Variants in SCGB1D2 observed in about 807,000 individuals in gnomAD.
The protein encoded by SCGB1D2 is secretoglobin family 1D member 2.
SCGB1D2 carries 10 observed loss-of-function variants against 10.5 expected under a neutral mutation model. The ratio of observed to expected loss-of-function variants is 0.95; its 90% CI spans 0.59 to 1.61. The LOEUF (loss-of-function observed/expected upper bound fraction) is 1.61, where lower values mean the gene tolerates loss of function less well. SCGB1D2 is among the 40% of genes most tolerant of loss of function. The pLI, the probability that SCGB1D2 is intolerant of heterozygous loss-of-function variation, is 0.00. For synonymous variants in SCGB1D2, 42 were observed against 42.8 expected (o/e 0.98, Z 0.08); for missense variants, 113 against 103.8 (o/e 1.09, Z -0.38).
At chr11:62,244,571 C>T (rs1186605313) in intron 2 of SCGB1D2, 99 bp from the exon 3 acceptor site, 3 of 1,095,412 alleles carry the variant, frequency 2.7e-6, no homozygotes, top group South Asian at 1.4e-5. Context: ...CTTCCAATTG[C>T]CTTTGGGGGC....
At position 62,243,480 on chromosome 11, in the gene SCGB1D2, A is replaced by G. The variant is rs377688329; in HGVS notation, c.243+4A>G. The G allele has an allele frequency of 1.2e-6, 2 of 1,610,302 alleles. No individual in the cohort carries two copies. The highest frequency in any genetic ancestry group is 2.7e-5 in the African/African-American group (2 of 74,780). ...AAGCCTCATTGCGGAAGTCCTGGTA[A>G]CTTCTTTCTCCTTTATTTGTTAAGG... On this transcript the variant is annotated splice_donor_region_variant and intron_variant, in intron 2 of 2. Coordinates refer to ENST00000244926, the MANE Select transcript of SCGB1D2 (RefSeq NM_006551.4).
At chr11:62,243,534 A>T (rs1475033227) in intron 2 of SCGB1D2, 58 bp downstream of exon 2, 2 of 1,450,010 alleles carry the variant, frequency 1.4e-6, no homozygotes, top group African/African-American at 2.8e-5. Flanking sequence ...GTATGAAGTG[A>T]GGTCAGCTTG....
chr11:62,244,629 G>C (rs768073874), intron 2 of SCGB1D2, 41 bp from the exon 3 acceptor site: 2 of 1,596,476 alleles, frequency 1.3e-6, no homozygotes, highest in Non-Finnish European at 1.7e-6. Flanking sequence ...TCCAGCAGCA[G>C]CATGACTGAC....
chr11:62,243,246 C>A (rs367627867), intron 1 of SCGB1D2, 43 bp from the exon 2 acceptor site: 8 of 1,550,076 alleles, frequency 5.2e-6, no homozygotes, highest in South Asian at 1.2e-5. Context: ...AGAGAAAAAT[C>A]GACTTTCCTA....
intron 2 of SCGB1D2, among the ~76,000 whole-genome samples, chr11:62,244,057 C>T (rs758453594): frequency 4.6e-5 from 7 of 152,140 alleles, no homozygotes; most frequent in Non-Finnish European, 8.8e-5. Context: ...TCGTCCAAGA[C>T]CCTAGCTAGT....
At chr11:62,242,818 C>T (rs928381302) in intron 1 of SCGB1D2, among the ~76,000 whole-genome samples, 7 of 152,184 alleles carry the variant, frequency 4.6e-5, no homozygotes, top group Non-Finnish European at 1.0e-4. Context: ...CTAAGCATGG[C>T]GGCTCATGCC....
intron 2 of SCGB1D2, among the ~76,000 whole-genome samples, chr11:62,243,769 T>C (rs1945085220): frequency 6.6e-6 from 1 of 151,826 alleles, no homozygotes; most frequent in Admixed American, 6.6e-5. Flanking sequence ...GCAGAAATGG[T>C]AAAGGGCCAA....
intron 2 of SCGB1D2, among the ~76,000 whole-genome samples, chr11:62,244,022 A>T (rs1945087977): frequency 6.6e-6 from 1 of 152,028 alleles, no homozygotes; most frequent in African/African-American, 2.4e-5. Context: ...CTCCACACCC[A>T]CGACACTCTC....
chr11:62,243,319 C>T lies in SCGB1D2; in HGVS notation c.86C>T (p.Ser29Phe). The T allele has an allele frequency of 6.2e-7, 1 of 1,613,874 alleles. No homozygotes were observed. Among genetic ancestry groups the T allele is most frequent in the African/African-American group, 1.3e-5 (1 of 75,034 alleles). The change falls in exon 2 of 3, where the codon TCT (serine) becomes TTT (phenylalanine). Residue 29 changes from serine to phenylalanine, a missense_variant. Transcript: ENST00000244926. The stretch of plus-strand genomic sequence containing the variant: ...GCCGAGTTCTGCCCAGCTCTTGTTT[C>T]TGAGCTGTTAGACTTCTTCTTCATT... ...ANAEFCPALV[S>F]ELLDFFFISE...
chr11:62,243,434 T>G lies in SCGB1D2; in HGVS notation c.201T>G (p.Asp67Glu), dbSNP rs773007478. The G allele has an allele frequency of 6.2e-7, 1 of 1,613,724 alleles. No homozygotes were observed. The highest frequency in any genetic ancestry group is 8.5e-7 in the Non-Finnish European group (1 of 1,179,920). Residue 67 changes from aspartate to glutamate, a missense_variant, in exon 2 of 3, where the codon GAT becomes GAG. Physicochemically the swap from Asp to Glu is conservative, Grantham distance 45 (BLOSUM62 2). Coordinates refer to ENST00000244926, the MANE Select transcript of SCGB1D2 (RefSeq NM_006551.4). ...AGTTAGGAGTGAAGAGATGCACGGA[T>G]CAGATGTCCCTTCAGAAACGAAGCC... ...AAKLGVKRCTDQMSLQKRSLI... is the reference protein window; with the variant it reads ...AAKLGVKRCTEQMSLQKRSLI...
Position 62,243,298 on chromosome 11 carries a change from A to G in SCGB1D2, c.65A>G (p.Glu22Gly). The G allele has an allele frequency of 6.2e-7, 1 of 1,610,616 alleles. No individual in the cohort carries two copies. The highest frequency in any genetic ancestry group is 8.5e-7 in the Non-Finnish European group (1 of 1,178,322). ...TATTCTTTTGCTGCAGCCAATGCCG[A>G]GTTCTGCCCAGCTCTTGTTTCTGAG... ...LALCCYQANAEFCPALVSELL... is the reference protein window; with the variant it reads ...LALCCYQANAGFCPALVSELL... The change falls in exon 2 of 3, where the codon GAG (glutamate) becomes GGG (glycine). Residue 22 changes from glutamate (E) to glycine (G), a missense_variant. Transcript: ENST00000244926.
intron 2 of SCGB1D2, among the ~76,000 whole-genome samples, chr11:62,244,306 C>T (rs1447474731): frequency 6.6e-6 from 1 of 152,130 alleles, no homozygotes; most frequent in Non-Finnish European, 1.5e-5. Flanking sequence ...CCCTCTCAGC[C>T]CTGACCAGCC....
At chr11:62,244,570 G>A in intron 2 of SCGB1D2, 100 bp from the exon 3 acceptor site, 1 of 1,072,824 alleles carries the variant, frequency 9.3e-7, no homozygotes, top group Non-Finnish European at 1.4e-6. Context: ...CCTTCCAATT[G>A]CCTTTGGGGG....
At chr11:62,243,011 G>C (rs1234766267) in intron 1 of SCGB1D2, among the ~76,000 whole-genome samples, 1 of 152,198 alleles carries the variant, frequency 6.6e-6, no homozygotes, top group South Asian at 2.1e-4. Context: ...GATATCGCTT[G>C]AGCCCAGGAG....
At chr11:62,244,049 G>C (rs1311618389) in intron 2 of SCGB1D2, among the ~76,000 whole-genome samples, 1 of 152,086 alleles carries the variant, frequency 6.6e-6, no homozygotes, top group Non-Finnish European at 1.5e-5. Flanking sequence ...ATGGCCAGTC[G>C]TCCAAGACCC....
At chr11:62,242,409 C>G (rs1734557925) in intron 1 of SCGB1D2, 47 bp downstream of exon 1, 5 of 1,595,182 alleles carry the variant, frequency 3.1e-6, no homozygotes, top group Non-Finnish European at 4.3e-6. Flanking sequence ...GGGAAGCACC[C>G]TCTTCCAAGC....
Position 62,242,359 on chromosome 11 carries a change from C to T in SCGB1D2, c.52C>T (p.Gln18Ter), listed in dbSNP as rs1590664206. The T allele has an allele frequency of 1.9e-6, 3 of 1,613,860 alleles. No individual in the cohort carries two copies. The highest frequency in any genetic ancestry group is 2.2e-5 in the South Asian group (2 of 91,076). Residue 18 changes from glutamine to a stop codon, truncating the protein, a stop_gained, in exon 1 of 3, where the codon CAG becomes TAG. Coordinates refer to ENST00000244926, the MANE Select transcript of SCGB1D2 (RefSeq NM_006551.4). LOFTEE classifies it high-confidence loss of function. ...LLVTLALCCY[Q>*]ANAEFCPALV... ...GGTCACGCTGGCCCTCTGCTGCTAC[C>T]AGGGTGAGTACATCAGTCATGAGTC...
chr11:62,243,552 G>A, intron 2 of SCGB1D2, 76 bp downstream of exon 2: 1 of 1,299,794 alleles, frequency 7.7e-7, no homozygotes, highest in Non-Finnish European at 1.1e-6. Context: ...TTGCTGCTCT[G>A]TTGGGGACAC....
intron 1 of SCGB1D2, among the ~76,000 whole-genome samples, chr11:62,242,862 T>G (rs1590664394): frequency 6.6e-6 from 1 of 151,988 alleles, no homozygotes; most frequent in Non-Finnish European, 1.5e-5. Flanking sequence ...TCAAGGAGAG[T>G]GAATTGCTTG....
Sources: gnomAD v4.1 joint callset for allele counts (sites outside exome capture counted in the v4.1 genomes callset) on GRCh38, gnomAD v4.1.1 for gene constraint, MANE v1.5 for transcripts, NCBI Gene and HGNC (gene_info 2026-07-23, HGNC 2026-07-21) for gene names.